The following IGSF21 variants were observed in gnomAD, a reference collection of about 807,000 sequenced individuals.
IGSF21 encodes the protein immunoglobin superfamily member 21.
In IGSF21, 28 loss-of-function variants were observed where a neutral mutation model predicts 46.8. The ratio of observed to expected loss-of-function variants is 0.60; its 90% CI spans 0.44 to 0.82. IGSF21 has a LOEUF of 0.82. Ranked by LOEUF, IGSF21 falls within the 40% of genes least tolerant of loss-of-function variation. IGSF21 has a pLI of 0.00. For synonymous variants in IGSF21, 284 were observed against 273.6 expected (o/e 1.04, Z -0.38); for missense variants, 624 against 665.5 (o/e 0.94, Z 0.69).
At chr1:18,367,857 G>A (rs1055576211) in intron 6 of IGSF21, among the ~76,000 whole-genome samples, 3 of 151,588 alleles carry the variant, frequency 2.0e-5, no homozygotes, top group African/African-American at 4.8e-5. Context: ...CACCTGCCTC[G>A]GCCTCCAAAG....
chr1:18,318,496 G>A (rs139738326), intron 3 of IGSF21, among the ~76,000 whole-genome samples: 3 of 152,084 alleles, frequency 2.0e-5, no homozygotes, highest in African/African-American at 4.8e-5. Context: ...GTGTGCGTGC[G>A]TTTGGCAAAA....
chr1:18,228,243 C>T (rs2084589760), intron 2 of IGSF21, among the ~76,000 whole-genome samples: 1 of 152,162 alleles, frequency 6.6e-6, no homozygotes, highest in African/African-American at 2.4e-5. Flanking sequence ...TCCTATTATG[C>T]CCCTACGCTT....
chr1:18,200,653 G>A (rs530591039), intron 1 of IGSF21, among the ~76,000 whole-genome samples: 6 of 152,268 alleles, frequency 3.9e-5, no homozygotes, highest in African/African-American at 1.4e-4. Flanking sequence ...ATCTTAACTT[G>A]ATTATGTCTG....
chr1:18,257,157 C>T (rs1033838749), intron 2 of IGSF21, among the ~76,000 whole-genome samples: 1 of 152,200 alleles, frequency 6.6e-6, no homozygotes, highest in Non-Finnish European at 1.5e-5. Flanking sequence ...TTCTGAACAG[C>T]ATTGAAAGTG....
chr1:18,247,546 C>T (rs1272573822), intron 2 of IGSF21, among the ~76,000 whole-genome samples: 6 of 152,088 alleles, frequency 3.9e-5, no homozygotes, highest in Admixed American at 2.0e-4. Context: ...AGCCCATCCT[C>T]GGAGGTGGCA....
chr1:18,277,544 G>T (rs1037997443), intron 2 of IGSF21, among the ~76,000 whole-genome samples: 5 of 152,134 alleles, frequency 3.3e-5, no homozygotes, highest in African/African-American at 1.2e-4. Context: ...ATGAAAACGT[G>T]ACTTTTTTTA....
At chr1:18,327,129 A>C (rs1164824611) in intron 3 of IGSF21, among the ~76,000 whole-genome samples, 1 of 152,126 alleles carries the variant, frequency 6.6e-6, no homozygotes. Flanking sequence ...AAGCCTTTTG[A>C]TCCACGTTGC....
chr1:18,359,435 G>T (rs1296056669), intron 4 of IGSF21, among the ~76,000 whole-genome samples: 1 of 137,392 alleles, frequency 7.3e-6, no homozygotes, highest in Non-Finnish European at 1.6e-5. Flanking sequence ...AGGAAGGAAG[G>T]AAGGAAAAGA....
intron 4 of IGSF21, among the ~76,000 whole-genome samples, chr1:18,340,411 G>A (rs1269824266): frequency 2.6e-5 from 4 of 152,306 alleles, no homozygotes; most frequent in Admixed American, 1.3e-4. Context: ...TTCAAAAGAG[G>A]TGAGCTATAT....
At chr1:18,338,500 T>C (rs2085794687) in intron 4 of IGSF21, among the ~76,000 whole-genome samples, 1 of 152,032 alleles carries the variant, frequency 6.6e-6, no homozygotes, top group Middle Eastern at 3.4e-3. Flanking sequence ...CCCAGGACAG[T>C]GGGGAGAAGG....
chr1:18,278,090 T>C (rs1269238794), intron 2 of IGSF21, among the ~76,000 whole-genome samples: 1 of 152,130 alleles, frequency 6.6e-6, no homozygotes, highest in Admixed American at 6.5e-5. Flanking sequence ...AGGAGTAAAC[T>C]GTACAGGTGT....
intron 2 of IGSF21, among the ~76,000 whole-genome samples, chr1:18,258,048 G>A (rs1399264196): frequency 1.3e-5 from 2 of 152,148 alleles, no homozygotes; most frequent in Non-Finnish European, 2.9e-5. Context: ...GAGAAACCCA[G>A]GCACCAATGT....
chr1:18,138,790 C>T lies in IGSF21; in HGVS notation c.70+30592C>T, dbSNP rs75315179. Among the ~76,000 whole-genome samples, 555 of 152,350 alleles carry T rather than the reference C, an allele frequency of 3.6e-3. 11 individuals carry two copies. The highest frequency in any genetic ancestry group is 0.031 in the East Asian group (163 of 5,180). On this transcript the variant is annotated intron_variant, in intron 1 of 9. Coordinates refer to ENST00000251296, the MANE Select transcript of IGSF21 (RefSeq NM_032880.5). ...TCCCTCGCCACCACCATTAACTGAG[C>T]ACTTACTATGAGCCAGGATGCCCGC... is the stretch of plus-strand genomic sequence containing the variant.
At chr1:18,303,928 T>C (rs1459219587) in intron 3 of IGSF21, among the ~76,000 whole-genome samples, 13 of 152,222 alleles carry the variant, frequency 8.5e-5, no homozygotes, top group Admixed American at 8.5e-4. Flanking sequence ...TAGAGAGAAC[T>C]TGAATTGTAT....
At chr1:18,278,539 G>T (rs951602374) in intron 2 of IGSF21, among the ~76,000 whole-genome samples, 3 of 128,220 alleles carry the variant, frequency 2.3e-5, no homozygotes, top group South Asian at 4.7e-4. Context: ...TTTTTTGTTT[G>T]TTTGTTTGTT....
At chr1:18,120,686 T>C (rs1008282658) in intron 1 of IGSF21, among the ~76,000 whole-genome samples, 1 of 152,190 alleles carries the variant, frequency 6.6e-6, no homozygotes. Flanking sequence ...CCAGGCTCCA[T>C]GGTAGATTTT....
At chr1:18,133,297 G>T (rs571062359) in intron 1 of IGSF21, among the ~76,000 whole-genome samples, 2 of 152,352 alleles carry the variant, frequency 1.3e-5, no homozygotes, top group South Asian at 4.1e-4. Context: ...CTGCTGAGCA[G>T]CGGAGCCTTT....
At chr1:18,209,986 C>T (rs1277777168) in intron 1 of IGSF21, among the ~76,000 whole-genome samples, 4 of 152,168 alleles carry the variant, frequency 2.6e-5, no homozygotes, top group Non-Finnish European at 5.9e-5. Flanking sequence ...CCTCACCCAA[C>T]CCCTCCATTC....
At position 18,214,159 on chromosome 1, in the gene IGSF21, C is replaced by T. The variant is rs546002577; in HGVS notation, c.71-13739C>T. 1.6e-4 allele frequency among the ~76,000 whole-genome samples: 25 copies of T among 152,154 alleles called. 2 individuals carry two copies. The South Asian group carries it at 5.2e-3, about 32-fold the overall frequency. ...ATACATCATGAATAATACATTAATC[C>T]TACAAGTTTTTGAACATCTATTGCC... On this transcript the variant is annotated intron_variant, in intron 1 of 9. Coordinates refer to ENST00000251296, the MANE Select transcript of IGSF21 (RefSeq NM_032880.5).
Sources: allele counts gnomAD v4.1 joint callset (sites outside exome capture counted in the v4.1 genomes callset), GRCh38; gene constraint gnomAD v4.1.1; transcripts MANE v1.5; gene names NCBI Gene and HGNC (gene_info 2026-07-23, HGNC 2026-07-21).